Variants in GABRA4 observed in about 807,000 individuals in gnomAD.
GABRA4 encodes gamma-aminobutyric acid receptor subunit alpha-4.
A neutral mutation model predicts 49.7 loss-of-function variants in GABRA4; 12 were observed. The ratio of observed to expected loss-of-function variants is 0.24; its 90% CI spans 0.15 to 0.39. The LOEUF (loss-of-function observed/expected upper bound fraction) is 0.39. GABRA4 is among the 10% of genes least tolerant of loss of function. The pLI is 1.00. For synonymous variants in GABRA4, 288 were observed against 240.2 expected, an observed-to-expected ratio of 1.20 and a Z score of -1.84; for missense variants, 506 against 686.0, an observed-to-expected ratio of 0.74 and a Z score of 2.93.
rs1415379032 is a variant in GABRA4, at chr4:46,965,194, T to C, written c.910A>G (p.Ile304Val). The C allele has an allele frequency of 6.3e-7, 1 of 1,591,116 alleles. No individual in the cohort carries two copies. Among genetic ancestry groups the C allele is most frequent in the Non-Finnish European group, 8.6e-7 (1 of 1,166,406 alleles). ...TTGGGCAAAGAATGTCGTGCACTGA[T>C]GCTTAGTGTGGTCATGGTGAGGACA... is the stretch of plus-strand genomic sequence containing the variant. ...TTVLTMTTLS[I>V]SARHSLPKVS... Residue 304 changes from isoleucine to valine, a missense_variant, in exon 8 of 9, where the codon ATC (isoleucine) becomes GTC (valine). Ile to Val is a conservative substitution (Grantham distance 29). Coordinates refer to ENST00000264318, the MANE Select transcript of GABRA4 (RefSeq NM_000809.4).
Position 46,965,201 on chromosome 4 carries a change from T to C in GABRA4, c.903A>G (p.Thr301=). The C allele has an allele frequency of 1.3e-6, 2 of 1,584,670 alleles. No homozygotes were observed. The highest frequency in any genetic ancestry group is 1.7e-6 in the Non-Finnish European group (2 of 1,162,732). Residue 301 remains threonine (T), a synonymous_variant, in exon 8 of 9, where the codon ACA becomes ACG. Coordinates refer to ENST00000264318, the MANE Select transcript of GABRA4 (RefSeq NM_000809.4). ...FGITTVLTMT[T]LSISARHSLP... ...AAGAATGTCGTGCACTGATGCTTAG[T>C]GTGGTCATGGTGAGGACAGTTGTTA...
chr4:46,973,697 T>A (rs1326233324), intron 6 of GABRA4, among the ~76,000 whole-genome samples: 2 of 151,814 alleles, frequency 1.3e-5, no homozygotes, highest in Non-Finnish European at 2.9e-5. Flanking sequence ...CTATTCACAT[T>A]CCAAAAGAAA....
In GABRA4 at chr4:46,964,586, A is replaced by G. The variant is rs150604662; in HGVS notation, c.1134+384T>C. Among the ~76,000 whole-genome samples the G allele has an allele frequency of 9.4e-4, 143 of 151,932 alleles. No individual in the cohort carries two copies. In the East Asian group the frequency reaches 0.026, roughly 27 times the overall value. On this transcript the variant is annotated intron_variant, in intron 8 of 8. Coordinates refer to ENST00000264318, the MANE Select transcript of GABRA4 (RefSeq NM_000809.4). ...TTAAACATAAGCAATTTTTAAAGAC[A>G]CAAACAAAAACTAACTGCTGCTTTG...
chr4:46,989,996 A>G (rs1181847269), intron 2 of GABRA4, among the ~76,000 whole-genome samples: 1 of 152,204 alleles, frequency 6.6e-6, no homozygotes. Context: ...CAGAAAACAC[A>G]TTTTCTGCAG....
At chr4:46,960,404 T>C (rs1165367097) in intron 8 of GABRA4, among the ~76,000 whole-genome samples, 1 of 151,786 alleles carries the variant, frequency 6.6e-6, no homozygotes, top group Non-Finnish European at 1.5e-5. Context: ...GTTAAACAGC[T>C]GAAATCATAT....
rs771398248 is a variant in GABRA4 at position 46,993,320 on chromosome 4, C to G, written c.86+19G>C. On this transcript the variant is annotated intron_variant, in intron 1 of 8. Coordinates refer to ENST00000264318, the MANE Select transcript of GABRA4 (RefSeq NM_000809.4). ...CTCCACTTTCCGTTGCCCACCTCCT[C>G]GCACCCCAGAGAACTCACCAAACCG... 11 of 1,610,118 alleles carry G rather than the reference C, an allele frequency of 6.8e-6. No homozygotes were observed. The highest frequency in any genetic ancestry group is 6.6e-5 in the South Asian group (6 of 91,018).
intron 8 of GABRA4, among the ~76,000 whole-genome samples, chr4:46,963,072 A>G (rs866556505): frequency 6.6e-6 from 1 of 151,814 alleles, no homozygotes; most frequent in Non-Finnish European, 1.5e-5. Context: ...GAAGCATGGC[A>G]ACCAAAACCA....
chr4:46,960,538 T>C (rs1577771692), intron 8 of GABRA4, among the ~76,000 whole-genome samples: 1 of 151,854 alleles, frequency 6.6e-6, no homozygotes, highest in East Asian at 1.9e-4. Flanking sequence ...TCTGTATAGG[T>C]AATACTTCTG....
rs941740489 is a variant in GABRA4, at chr4:46,950,939, C to T, written c.1134+14031G>A. ...ATTAGATTCCTTCCTTCACTCATAG[C>T]CAGAAAACCTATACTGGGGCCCCAG... On this transcript the variant is annotated intron_variant, in intron 8 of 8. Transcript: ENST00000264318. 6.6e-5 allele frequency among the ~76,000 whole-genome samples: 10 copies of T among 151,852 alleles called. No individual in the cohort carries two copies. The South Asian group carries it at 8.3e-4, about 13-fold the overall frequency.
intron 8 of GABRA4, among the ~76,000 whole-genome samples, chr4:46,938,107 A>G (rs1294276582): frequency 6.6e-6 from 1 of 152,184 alleles, no homozygotes. Flanking sequence ...TGGAGTTAAT[A>G]TATATAGAGA....
Position 46,993,575 on chromosome 4 carries a change from G to A in GABRA4, c.-151C>T. 3 of 746,638 alleles carry A rather than the reference G, an allele frequency of 4.0e-6. No homozygotes were observed. The highest frequency in any genetic ancestry group is 6.8e-6 in the Non-Finnish European group (3 of 443,992). 46.3% of individuals were successfully genotyped at this position (746,638 alleles called of 1,614,324 possible). A position where few individuals can be genotyped will look rare whatever the true frequency, so the allele number is the denominator to read the frequency against. ...CGCTCAGCCAGCCCGAGCCGCGGTG[G>A]GCGTGTGTGTGCACGGGGCCAGGGG... On this transcript the variant is annotated 5_prime_UTR_variant, in exon 1 of 9. Coordinates refer to ENST00000264318, the MANE Select transcript of GABRA4 (RefSeq NM_000809.4).
rs1339604344 is a variant in GABRA4 at position 46,921,759 on chromosome 4, G to C, written c.*6466C>G. 1 of 151,812 alleles carries C rather than the reference G, an allele frequency of 6.6e-6. No homozygotes were observed. The highest frequency in any genetic ancestry group is 1.9e-4 in the East Asian group (1 of 5,180). The allele number at this position is 151,812 out of a possible 1,614,324, so 9.4% of individuals were successfully genotyped here. ...TATTTATAATTCACTCCCCACCTAA[G>C]ACAGTCTCCAAAAATAACATAATGA... On this transcript the variant is annotated 3_prime_UTR_variant, in exon 9 of 9. Coordinates refer to ENST00000264318, the MANE Select transcript of GABRA4 (RefSeq NM_000809.4).
intron 5 of GABRA4, among the ~76,000 whole-genome samples, chr4:46,975,548 T>C (rs1180188230): frequency 6.6e-6 from 1 of 151,978 alleles, no homozygotes; most frequent in East Asian, 1.9e-4. Flanking sequence ...TTTCTTCCTC[T>C]TTCCAGATTA....
chr4:46,938,448 A>G (rs1721673086), intron 8 of GABRA4, among the ~76,000 whole-genome samples: 1 of 152,086 alleles, frequency 6.6e-6, no homozygotes, highest in Non-Finnish European at 1.5e-5. Context: ...AAAAACAATC[A>G]TTTATCAAGG....
chr4:46,993,458 G>T lies in GABRA4; in HGVS notation c.-34C>A, dbSNP rs765007940. Reference sequence around the variant, plus strand: ...CATGCCATACTTCAAGCCTGTTCACGTTTCCAGGCTCTTCAGATGCCCTGA... The same window carrying T: ...CATGCCATACTTCAAGCCTGTTCACTTTTCCAGGCTCTTCAGATGCCCTGA... On this transcript the variant is annotated 5_prime_UTR_variant, in exon 1 of 9. Coordinates refer to ENST00000264318, the MANE Select transcript of GABRA4 (RefSeq NM_000809.4). The T allele has an allele frequency of 1.0e-5, 16 of 1,606,918 alleles. No individual in the cohort carries two copies. The highest frequency in any genetic ancestry group is 1.4e-5 in the Non-Finnish European group (16 of 1,173,682).
chr4:46,931,977 G>A (rs1471957526), intron 8 of GABRA4, among the ~76,000 whole-genome samples: 1 of 152,126 alleles, frequency 6.6e-6, no homozygotes, highest in African/African-American at 2.4e-5. Flanking sequence ...TATTAATTGT[G>A]TGTACCTGAA....
At chr4:46,978,935 T>C (rs1411659644) in intron 3 of GABRA4, 96 bp downstream of exon 3, 6 of 808,354 alleles carry the variant, frequency 7.4e-6, no homozygotes, top group Admixed American at 2.0e-5. Flanking sequence ...GGTTTCTGGC[T>C]TTGTGTGATT....
chr4:46,965,029 G>A lies in GABRA4; in HGVS notation c.1075C>T (p.Pro359Ser). 6.2e-7 allele frequency: 1 copy of A among 1,611,868 alleles called. No homozygotes were observed. Among genetic ancestry groups the A allele is most frequent in the South Asian group, 1.1e-5 (1 of 90,950 alleles). The stretch of plus-strand genomic sequence containing the variant: ...ACTGGAGCAGCGGGAACTTCCTGAG[G>A]GGGCTTTGATGTCTTCCTTTTGGCT... Reference protein sequence around the residue: ...EKAKRKTSKPPQEVPAAPVQR... With the variant: ...EKAKRKTSKPSQEVPAAPVQR... The change falls in exon 8 of 9, where the codon CCT (proline) becomes TCT (serine). Residue 359 changes from proline (P) to serine (S), a missense_variant. Coordinates refer to ENST00000264318, the MANE Select transcript of GABRA4 (RefSeq NM_000809.4).
chr4:46,964,638 G>GT (rs150393866), intron 8 of GABRA4, among the ~76,000 whole-genome samples: 7,968 of 151,728 alleles, frequency 0.053, 303 homozygotes, highest in Admixed American at 0.085. Context: ...CTATTAAAAT[G>GT]TTTTTTCAAC....
Sources: allele counts gnomAD v4.1 joint callset (sites outside exome capture counted in the v4.1 genomes callset), GRCh38; gene constraint gnomAD v4.1.1; transcripts MANE v1.5; gene names NCBI Gene and HGNC (gene_info 2026-07-23, HGNC 2026-07-21).